Variants in SDK1 observed in about 807,000 individuals in gnomAD.
SDK1 encodes protein sidekick-1.
SDK1 carries 157 observed loss-of-function variants against 245.5 expected under a neutral mutation model. The observed-to-expected ratio is 0.64, with a 90% confidence interval of 0.56 to 0.73. The LOEUF (loss-of-function observed/expected upper bound fraction) is 0.73, where lower values mean the gene tolerates loss of function less well. Among genes scored for constraint, SDK1 ranks in the 30% least tolerant of loss-of-function variants. The pLI is 0.00. For missense variants in SDK1, 3,583 were observed against 3,002.3 expected (o/e 1.19, Z -4.52); for synonymous variants, 1,647 against 1,278.5 (o/e 1.29, Z -6.15).
chr7:3,565,617 G>A (rs949134027), intron 1 of SDK1, among the ~76,000 whole-genome samples: 3 of 152,136 alleles, frequency 2.0e-5, no homozygotes, highest in Admixed American at 2.0e-4. Context: ...ATCTGGAGGG[G>A]AGTGGTTCTG....
chr7:4,059,572 T>A (rs970819216), intron 19 of SDK1, among the ~76,000 whole-genome samples: 1 of 152,230 alleles, frequency 6.6e-6, no homozygotes. Context: ...GGATTTAAAC[T>A]GCGCTTTAGA....
At chr7:3,340,961 G>T (rs1195281507) in intron 1 of SDK1, among the ~76,000 whole-genome samples, 2 of 152,050 alleles carry the variant, frequency 1.3e-5, no homozygotes, top group Admixed American at 1.3e-4. Flanking sequence ...CTTTTATTCA[G>T]TCTCTTCTAG....
chr7:3,656,783 C>T (rs960330438), intron 4 of SDK1, among the ~76,000 whole-genome samples: 4 of 150,924 alleles, frequency 2.7e-5, no homozygotes, highest in African/African-American at 9.7e-5. Context: ...CTCTGTCGCC[C>T]AGGCCGGACT....
intron 28 of SDK1, chr7:4,134,969 C>T (rs1378758833): frequency 6.6e-6 from 1 of 152,354 alleles, no homozygotes; most frequent in African/African-American, 2.4e-5. Context: ...AGGGCATCTG[C>T]CCTTTCTGAG....
intron 1 of SDK1, among the ~76,000 whole-genome samples, chr7:3,606,190 T>C (rs1006195445): frequency 2.6e-5 from 4 of 152,188 alleles, no homozygotes; most frequent in Admixed American, 6.5e-5. Flanking sequence ...TTTCTGGTTT[T>C]TCTGGCCAGA....
intron 4 of SDK1, among the ~76,000 whole-genome samples, chr7:3,672,484 A>G (rs1446928410): frequency 1.3e-5 from 2 of 150,608 alleles, no homozygotes; most frequent in Non-Finnish European, 2.9e-5. Context: ...CATACAGGCA[A>G]AGAAGAAAGA....
intron 1 of SDK1, among the ~76,000 whole-genome samples, chr7:3,391,775 GTGCCATAA>G (rs1781762775): frequency 6.6e-6 from 1 of 151,096 alleles, no homozygotes; most frequent in Non-Finnish European, 1.5e-5. Context: ...TAGCTGGTGT[GTGCCATAA>G]TGCCTGGCTA....
intron 5 of SDK1, among the ~76,000 whole-genome samples, chr7:3,887,417 C>T (rs1334774305): frequency 1.3e-5 from 2 of 152,160 alleles, no homozygotes; most frequent in African/African-American, 2.4e-5. Context: ...TATTAGTGAA[C>T]ATGGAAAGCA....
intron 25 of SDK1, among the ~76,000 whole-genome samples, chr7:4,126,804 G>A (rs1784418768): frequency 1.3e-5 from 2 of 152,216 alleles, no homozygotes; most frequent in African/African-American, 4.8e-5. Context: ...GGATGAATGC[G>A]ATTTTCTCAG....
chr7:3,536,223 A>ATTTTT (rs1204324690), intron 1 of SDK1, among the ~76,000 whole-genome samples: 13 of 136,670 alleles, frequency 9.5e-5, no homozygotes, highest in Admixed American at 2.3e-4. Context: ...CACCCAGCTA[A>ATTTTT]TTTTTTTTTT....
intron 22 of SDK1, among the ~76,000 whole-genome samples, chr7:4,106,299 TTTTC>T (rs1388671239): frequency 2.0e-5 from 3 of 147,698 alleles, no homozygotes; most frequent in South Asian, 2.1e-4. Flanking sequence ...CGTTTCTTTT[TTTTC>T]TTTCTTTTTT....
chr7:3,570,565 C>CTT lies in SDK1; in HGVS notation c.299-48515_299-48514insTT, dbSNP rs553502044. 2.8e-4 allele frequency among the ~76,000 whole-genome samples: 42 copies of CTT among 152,300 alleles called. No homozygotes were observed. In the South Asian group the frequency reaches 8.5e-3, roughly 31 times the overall value. ...TGGATGAGGAGGTTTCCCATTTACT[C>CTT]CATTACTCTTTCAAGAAAGTCTCCA... On this transcript the variant is annotated intron_variant, in intron 1 of 44. Transcript: ENST00000404826.
At chr7:4,173,484 G>T (rs888476101) in intron 32 of SDK1, among the ~76,000 whole-genome samples, 7 of 152,222 alleles carry the variant, frequency 4.6e-5, no homozygotes, top group Non-Finnish European at 1.0e-4. Context: ...ATAACCCTGT[G>T]TTTAGATTCC....
chr7:3,430,530 C>T (rs1323328518), intron 1 of SDK1, among the ~76,000 whole-genome samples: 6 of 152,184 alleles, frequency 3.9e-5, no homozygotes, highest in African/African-American at 1.4e-4. Flanking sequence ...TGCTCGTCAG[C>T]TTCATTCCTC....
At chr7:3,563,700 A>G (rs1432254191) in intron 1 of SDK1, among the ~76,000 whole-genome samples, 1 of 152,200 alleles carries the variant, frequency 6.6e-6, no homozygotes, top group Non-Finnish European at 1.5e-5. Context: ...ATTAATAAGC[A>G]TGAGCTGTTA....
At chr7:3,894,562 A>G (rs1468144232) in intron 5 of SDK1, among the ~76,000 whole-genome samples, 1 of 152,180 alleles carries the variant, frequency 6.6e-6, no homozygotes, top group Non-Finnish European at 1.5e-5. Context: ...TTTGCAGCCC[A>G]GAGATGCTCC....
At chr7:4,178,421 G>C in intron 34 of SDK1, 64 bp from the exon 35 acceptor site, 1 of 1,207,980 alleles carries the variant, frequency 8.3e-7, no homozygotes, top group South Asian at 1.2e-5. Context: ...TTCATAGGGG[G>C]AACTTTGGAG....
intron 1 of SDK1, among the ~76,000 whole-genome samples, chr7:3,484,743 G>A (rs1160612647): frequency 1.3e-5 from 2 of 152,074 alleles, no homozygotes; most frequent in East Asian, 1.9e-4. Context: ...CTCCCACATA[G>A]GAGTGAGAAC....
intron 1 of SDK1, among the ~76,000 whole-genome samples, chr7:3,392,973 T>TTG: frequency 7.4e-6 from 1 of 135,952 alleles, no homozygotes; most frequent in East Asian, 2.0e-4. Context: ...TTTTTTTTTT[T>TTG]TTTTTTTCTT....
Sources: gnomAD v4.1 joint callset for allele counts (sites outside exome capture counted in the v4.1 genomes callset) on GRCh38, gnomAD v4.1.1 for gene constraint, MANE v1.5 for transcripts, NCBI Gene and HGNC (gene_info 2026-07-23, HGNC 2026-07-21) for gene names.